RALGPS2: variants seen among roughly 807,000 people sequenced by gnomAD.
The protein encoded by RALGPS2 is Ral GEF with PH domain and SH3 binding motif 2.
A neutral mutation model predicts 86.8 loss-of-function variants in RALGPS2; 43 were observed. The ratio of observed to expected loss-of-function variants is 0.50; its 90% CI spans 0.39 to 0.64. The LOEUF (loss-of-function observed/expected upper bound fraction) is 0.64, where lower values mean the gene tolerates loss of function less well. Among genes scored for constraint, RALGPS2 ranks in the 30% least tolerant of loss-of-function variants. The probability of loss-of-function intolerance (pLI) is 0.00; values close to 1 mark genes in which losing one functional copy is unlikely to be tolerated. For missense variants in RALGPS2, 536 were observed against 694.6 expected (o/e 0.77, Z 2.57); for synonymous variants, 243 against 231.3 (o/e 1.05, Z -0.46).
intron 8 of RALGPS2, among the ~76,000 whole-genome samples, chr1:178,858,604 A>G (rs1657747131): frequency 6.6e-6 from 1 of 152,164 alleles, no homozygotes; most frequent in Non-Finnish European, 1.5e-5. Context: ...AATTTGAAGA[A>G]CCAGTCTCTC....
At chr1:178,773,021 C>CG (rs1218162304) in intron 1 of RALGPS2, among the ~76,000 whole-genome samples, 1 of 152,078 alleles carries the variant, frequency 6.6e-6, no homozygotes, top group Non-Finnish European at 1.5e-5. Context: ...CGGCTGGTCT[C>CG]GAACTCCTGA....
At chr1:178,912,835 C>T (rs185539022) in intron 19 of RALGPS2, among the ~76,000 whole-genome samples, 214 of 152,264 alleles carry the variant, frequency 1.4e-3, no homozygotes, top group African/African-American at 4.4e-3. Flanking sequence ...GGTTTAGTCT[C>T]TTTACATAAT....
intron 1 of RALGPS2, among the ~76,000 whole-genome samples, chr1:178,726,887 T>TACAAGTGCTATAGA (rs576710629): frequency 1.3e-5 from 2 of 152,228 alleles, no homozygotes; most frequent in African/African-American, 4.8e-5. Flanking sequence ...ATTATGCTTG[T>TACAAGTGCTATAGA]ACAAGTGCTA....
In RALGPS2 at chr1:178,759,586, A is replaced by G. The variant is rs530456404; in HGVS notation, c.-83-17096A>G. On this transcript the variant is annotated intron_variant, in intron 1 of 19. Transcript: ENST00000367635. ...GCTATTCTGTGTCTTCTGTGGTTCC[A>G]TATAAATTTTAGGATTGTTTTTTCT... 3.6e-4 allele frequency among the ~76,000 whole-genome samples: 52 copies of G among 142,482 alleles called. 1 individual carries two copies. In the South Asian group the frequency reaches 0.01, roughly 28 times the overall value. 93.5% of individuals were successfully genotyped at this position (142,482 alleles called of 152,430 possible).
At position 178,754,262 on chromosome 1, in the gene RALGPS2, T is replaced by C. The variant is rs112556719; in HGVS notation, c.-83-22420T>C. ...TATATATAATCCTTATATAATTACA[T>C]ACACTATATAATTTCTTATATAGTA... On this transcript the variant is annotated intron_variant, in intron 1 of 19. Coordinates refer to ENST00000367635, the MANE Select transcript of RALGPS2 (RefSeq NM_152663.5). Among the ~76,000 whole-genome samples the C allele has an allele frequency of 5.0e-3, 749 of 151,226 alleles. 7 individuals are homozygous for C. The highest frequency in any genetic ancestry group is 0.016 in the African/African-American group (680 of 41,358).
At chr1:178,851,119 G>C in intron 8 of RALGPS2, 2 of 1,607,586 alleles carry the variant, frequency 1.2e-6, no homozygotes. Context: ...AAATTGGCGA[G>C]TGTCTCTCTT....
chr1:178,870,069 T>A (rs1449006949), intron 8 of RALGPS2, among the ~76,000 whole-genome samples: 1 of 152,132 alleles, frequency 6.6e-6, no homozygotes, highest in Non-Finnish European at 1.5e-5. Flanking sequence ...TCCAAGTGAT[T>A]CCATTTGTAG....
rs987925848 is a variant in RALGPS2 at position 178,838,390 on chromosome 1, C to T, written c.607+4840C>T. Among the ~76,000 whole-genome samples the T allele has an allele frequency of 7.9e-5, 12 of 152,300 alleles. No individual in the cohort carries two copies. In the South Asian group the frequency reaches 1.4e-3, roughly 18 times the overall value. Reference sequence around the variant, plus strand: ...GCAATATTCACTGTTCTGCAGCCTCCGCTGCTGATATCCCCACAAACAGGG... The same window carrying T: ...GCAATATTCACTGTTCTGCAGCCTCTGCTGCTGATATCCCCACAAACAGGG... On this transcript the variant is annotated intron_variant, in intron 8 of 19. Transcript: ENST00000367635.
chr1:178,845,361 A>G (rs1401399795), intron 8 of RALGPS2, among the ~76,000 whole-genome samples: 1 of 152,018 alleles, frequency 6.6e-6, no homozygotes, highest in African/African-American at 2.4e-5. Flanking sequence ...CTTTTTTGTT[A>G]GAAGAGAAAT....
chr1:178,736,315 C>T lies in RALGPS2; in HGVS notation c.-84+10896C>T, dbSNP rs973766515. On this transcript the variant is annotated intron_variant, in intron 1 of 19. Coordinates refer to ENST00000367635, the MANE Select transcript of RALGPS2 (RefSeq NM_152663.5). Reference sequence around the variant, plus strand: ...TAGCTGAGATTACAGGTGCCTACCACCATGCCTGGCTAATTCTTGTATTTT... The same window carrying T: ...TAGCTGAGATTACAGGTGCCTACCATCATGCCTGGCTAATTCTTGTATTTT... 3.3e-5 allele frequency among the ~76,000 whole-genome samples: 5 copies of T among 152,002 alleles called. No individual in the cohort carries two copies. In the South Asian group the frequency reaches 1.0e-3, roughly 32 times the overall value.
At chr1:178,885,855 A>C in intron 12 of RALGPS2, 114 bp from the exon 13 acceptor site, 2 of 906,530 alleles carry the variant, frequency 2.2e-6, no homozygotes, top group Non-Finnish European at 3.2e-6. Context: ...CTTTTATGGT[A>C]AGATCTGAGT....
intron 1 of RALGPS2, chr1:178,746,873 A>C: frequency 8.5e-7 from 1 of 1,183,296 alleles, no homozygotes; most frequent in Non-Finnish European, 1.3e-6. Context: ...GTCACCTGTC[A>C]GTTTTTCTTC....
intron 4 of RALGPS2, among the ~76,000 whole-genome samples, chr1:178,789,908 G>A (rs1450001304): frequency 6.6e-6 from 1 of 152,128 alleles, no homozygotes; most frequent in Non-Finnish European, 1.5e-5. Flanking sequence ...TTTAAAAATT[G>A]ACAACAGTAA....
chr1:178,879,310 A>C (rs1398014703), intron 10 of RALGPS2: 1 of 187,576 alleles, frequency 5.3e-6, no homozygotes, highest in Non-Finnish European at 1.1e-5. Context: ...TTTAATAGAC[A>C]GAAAAATTAA....
chr1:178,776,816 T>C lies in RALGPS2; in HGVS notation c.52T>C (p.Ser18Pro), dbSNP rs1653110805. The change falls in exon 2 of 20, where the codon TCT (serine) becomes CCT (proline). Residue 18 changes from serine to proline, a missense_variant. Around this residue, in one of 3 missense-constraint regions of RALGPS2, gnomAD observed 43 missense variants for 34.9 expected, o/e 1.23. Coordinates refer to ENST00000367635, the MANE Select transcript of RALGPS2 (RefSeq NM_152663.5). ...ASSVNIAATA[S>P]EKSSSSESLS... ...CAGTGTCAATATTGCAGCTACTGCT[T>C]CTGAGGTAAGATATTTAAGAAGCTT... The C allele has an allele frequency of 6.2e-7, 1 of 1,612,494 alleles. No individual in the cohort carries two copies. The highest frequency in any genetic ancestry group is 1.3e-5 in the African/African-American group (1 of 74,876).
intron 6 of RALGPS2, among the ~76,000 whole-genome samples, chr1:178,819,224 C>T (rs1435062930): frequency 1.3e-5 from 2 of 152,110 alleles, no homozygotes; most frequent in Admixed American, 6.5e-5. Context: ...AACTCCTGGG[C>T]TCAAGCAGTT....
intron 1 of RALGPS2, chr1:178,753,709 G>A (rs1413429267): frequency 6.6e-6 from 1 of 152,118 alleles, no homozygotes; most frequent in Non-Finnish European, 1.5e-5. Flanking sequence ...AGATACTTAT[G>A]TACCAAGTGC....
chr1:178,913,913 A>G (rs1660715559), intron 19 of RALGPS2, among the ~76,000 whole-genome samples: 2 of 152,158 alleles, frequency 1.3e-5, no homozygotes, highest in African/African-American at 4.8e-5. Flanking sequence ...TACTGGCAAA[A>G]GCACTTCCTC....
intron 2 of RALGPS2, among the ~76,000 whole-genome samples, chr1:178,779,476 C>G (rs924116022): frequency 1.3e-5 from 2 of 152,158 alleles, no homozygotes; most frequent in African/African-American, 4.8e-5. Context: ...CTTGATATCA[C>G]TGAAAATAGT....
Sources: allele counts gnomAD v4.1 joint callset (sites outside exome capture counted in the v4.1 genomes callset), GRCh38; gene constraint gnomAD v4.1.1; regional missense constraint gnomAD v4.1.1; transcripts MANE v1.5; gene names NCBI Gene and HGNC (gene_info 2026-07-23, HGNC 2026-07-21).